The following ART4 variants were observed in gnomAD, a reference collection of about 807,000 sequenced individuals.
The protein encoded by ART4 is ecto-ADP-ribosyltransferase 4.
In ART4, 14 loss-of-function variants were observed where a neutral mutation model predicts 24.2. That is an observed-to-expected ratio of 0.58 (90% CI 0.38 to 0.90). The LOEUF (loss-of-function observed/expected upper bound fraction) is 0.90, where lower values mean the gene tolerates loss of function less well. Among genes scored for constraint, ART4 ranks in the 40% least tolerant of loss-of-function variants. ART4 has a pLI of 0.00. For missense variants in ART4, 356 were observed against 366.6 expected, an observed-to-expected ratio of 0.97 and a Z score of 0.24; for synonymous variants, 145 against 139.9, an observed-to-expected ratio of 1.04 and a Z score of -0.26.
chr12:14,829,323 GATTTT>G lies in ART4; in HGVS notation c.*43_*47del. ...TTCTAGCCAAAAGGCCAATAAAAAA[GATTTT>G]ATTTAAATATTTTTTTTAAATAAAA... On this transcript the variant is annotated 3_prime_UTR_variant, in exon 3 of 3. Coordinates refer to ENST00000228936, the MANE Select transcript of ART4 (RefSeq NM_021071.4). 1 of 1,279,142 alleles carries G rather than the reference GATTTT, an allele frequency of 7.8e-7. No individual in the cohort carries two copies. Among genetic ancestry groups the G allele is most frequent in the Non-Finnish European group, 1.1e-6 (1 of 940,078 alleles). The allele number at this position is 1,279,142 out of a possible 1,614,324, so 79.2% of individuals were successfully genotyped here.
At position 14,826,235 on chromosome 12, in the gene ART4, G is replaced by A. The variant is rs55959654; in HGVS notation, c.*3136C>T. On this transcript the variant is annotated 3_prime_UTR_variant, in exon 3 of 3. Coordinates refer to ENST00000228936, the MANE Select transcript of ART4 (RefSeq NM_021071.4). ...ATAGGGAGAGACTGAGGGGATGTGA[G>A]CTATGTACATTTATCCTTAACCAAA... is the stretch of plus-strand genomic sequence containing the variant. 22,902 of 152,238 alleles carry A rather than the reference G, an allele frequency of 0.15. 2,012 individuals are homozygous for A. Among genetic ancestry groups the A allele is most frequent in the Non-Finnish European group, 0.2 (13,657 of 67,996 alleles). 9.4% of individuals were successfully genotyped at this position (152,238 alleles called of 1,614,324 possible).
chr12:14,841,126 C>A lies in ART4; in HGVS notation c.172G>T (p.Ala58Ser). ...EVAIKIDFDF[A>S]PGSFDDQYQG... Reference sequence around the variant, plus strand: ...TACTGATCATCAAAAGAACCTGGTGCGAAGTCGAAGTCGATTTTAATTGCA... The same window carrying A: ...TACTGATCATCAAAAGAACCTGGTGAGAAGTCGAAGTCGATTTTAATTGCA... The change falls in exon 2 of 3, where the codon GCA becomes TCA. Residue 58 changes from alanine (A) to serine (S), a missense_variant. By Grantham distance (99) the Ala-to-Ser change is moderately conservative. Coordinates refer to ENST00000228936, the MANE Select transcript of ART4 (RefSeq NM_021071.4). The A allele has an allele frequency of 6.4e-7, 1 of 1,568,826 alleles. No individual in the cohort carries two copies. Among genetic ancestry groups the A allele is most frequent in the South Asian group, 1.2e-5 (1 of 84,608 alleles).
intron 2 of ART4, among the ~76,000 whole-genome samples, chr12:14,832,496 A>T (rs1034933056): frequency 2.0e-5 from 3 of 152,030 alleles, no homozygotes; most frequent in South Asian, 2.1e-4. Flanking sequence ...TTTATTTTTC[A>T]TCTTAGTATG....
chr12:14,831,196 ATACT>A (rs1950393898), intron 2 of ART4, among the ~76,000 whole-genome samples: 1 of 151,472 alleles, frequency 6.6e-6, no homozygotes. Context: ...ATCCTCCTTG[ATACT>A]TACTCTTCAT....
chr12:14,829,549 CTTAGAAAA>C (rs918679229), intron 2 of ART4, 87 bp from the exon 3 acceptor site: 55 of 893,024 alleles, frequency 6.2e-5, no homozygotes, highest in African/African-American at 5.7e-4. Flanking sequence ...ACTTACTTAA[CTTAGAAAA>C]TTCCTAATAA....
rs965178525 is a variant in ART4, at chr12:14,829,051, A to C, written c.*320T>G. On this transcript the variant is annotated 3_prime_UTR_variant, in exon 3 of 3. Coordinates refer to ENST00000228936, the MANE Select transcript of ART4 (RefSeq NM_021071.4). ...TATTCCAGCATGAATCTTTGTGTCCATGAAGAAGAAATATACTGATTGGCT... is the reference window on the plus strand; with the variant it reads ...TATTCCAGCATGAATCTTTGTGTCCCTGAAGAAGAAATATACTGATTGGCT... The C allele has an allele frequency of 1.1e-5, 2 of 179,762 alleles. No individual in the cohort carries two copies. The highest frequency in any genetic ancestry group is 1.2e-4 in the Admixed American group (2 of 16,288). The allele number at this position is 179,762 out of a possible 1,614,324, so 11.1% of individuals were successfully genotyped here.
At chr12:14,837,553 GC>G (rs1473115476) in intron 2 of ART4, among the ~76,000 whole-genome samples, 1 of 151,628 alleles carries the variant, frequency 6.6e-6, no homozygotes, top group Non-Finnish European at 1.5e-5. Context: ...TCACTCTATC[GC>G]CCAGGCTGGA....
chr12:14,840,749 A>T lies in ART4; in HGVS notation c.549T>A (p.Tyr183Ter). The change falls in exon 2 of 3, where the codon TAT (tyrosine) becomes TAA (stop). Residue 183 changes from tyrosine to a stop codon, truncating the protein, a stop_gained. Coordinates refer to ENST00000228936, the MANE Select transcript of ART4 (RefSeq NM_021071.4). LOFTEE classifies it high-confidence loss of function. ...DSIMENGTLC[Y>*]EVHYRTKDVH... is the part of the protein sequence containing the mutation. Reference sequence around the variant, plus strand: ...CATCCTTCGTCCTATAATGCACCTCATAGCACAGAGTGCCATTCTCCATGA... The same window carrying T: ...CATCCTTCGTCCTATAATGCACCTCTTAGCACAGAGTGCCATTCTCCATGA... 6.2e-7 allele frequency: 1 copy of T among 1,614,174 alleles called. No homozygotes were observed.
chr12:14,835,948 T>C (rs1200736614), intron 2 of ART4, among the ~76,000 whole-genome samples: 1 of 152,154 alleles, frequency 6.6e-6, no homozygotes, highest in Non-Finnish European at 1.5e-5. Context: ...TATTGTGTCC[T>C]GTCCAAGACT....
At chr12:14,841,380 T>C in intron 1 of ART4, 1 of 470,364 alleles carries the variant, frequency 2.1e-6, no homozygotes, top group Non-Finnish European at 3.7e-6. Flanking sequence ...GAAAAACTCA[T>C]CTCCCCAGAG....
intron 1 of ART4, 126 bp from the exon 2 acceptor site, chr12:14,841,279 C>G: frequency 1.2e-6 from 1 of 811,548 alleles, no homozygotes; most frequent in Non-Finnish European, 1.9e-6. Context: ...GTAAGTTACA[C>G]TGAAAATCAT....
chr12:14,836,128 G>A (rs918517759), intron 2 of ART4, among the ~76,000 whole-genome samples: 2 of 152,024 alleles, frequency 1.3e-5, no homozygotes, highest in African/African-American at 4.8e-5. Flanking sequence ...AGCAAAACTA[G>A]CATGAATTTC....
At chr12:14,837,338 T>G (rs1950437579) in intron 2 of ART4, among the ~76,000 whole-genome samples, 1 of 152,142 alleles carries the variant, frequency 6.6e-6, no homozygotes, top group South Asian at 2.1e-4. Context: ...TTTAATTAAT[T>G]GTGTTAGATG....
rs141907337 is a variant in ART4, at chr12:14,841,010, C to T, written c.288G>A (p.Met96Ile). Residue 96 changes from methionine to isoleucine, a missense_variant, in exon 2 of 3, where the codon ATG becomes ATA. Physicochemically the swap from Met to Ile is conservative, Grantham distance 10 (BLOSUM62 1). Coordinates refer to ENST00000228936, the MANE Select transcript of ART4 (RefSeq NM_021071.4). ...GCCAGGCTAAGTGGGCTTTTTGCCA[C>T]ATCCTAAAATAATTCTTCTGGGCTT... is the stretch of plus-strand genomic sequence containing the variant. Reference protein sequence around the residue: ...DIEAQKNYFRMWQKAHLAWLN... With the variant: ...DIEAQKNYFRIWQKAHLAWLN... 83 of 1,614,078 alleles carry T rather than the reference C, an allele frequency of 5.1e-5. No homozygotes were observed. Among genetic ancestry groups the T allele is most frequent in the Non-Finnish European group, 6.5e-5 (77 of 1,180,048 alleles).
chr12:14,830,412 C>G (rs1340722873), intron 2 of ART4, among the ~76,000 whole-genome samples: 3 of 151,114 alleles, frequency 2.0e-5, no homozygotes, highest in Non-Finnish European at 3.0e-5. Flanking sequence ...GGAAGAGATT[C>G]AACTCTAATT....
In ART4 at chr12:14,843,230, C is replaced by G; in HGVS notation, c.-117G>C. ...CATCCGTAACCGTTTTTTCCCCTGT[C>G]TATGCTGAGCAACTTCTGTTGCCCA... On this transcript the variant is annotated 5_prime_UTR_variant, in exon 1 of 3. Transcript: ENST00000228936. 1 of 1,295,090 alleles carries G rather than the reference C, an allele frequency of 7.7e-7. No individual in the cohort carries two copies. The highest frequency in any genetic ancestry group is 1.1e-6 in the Non-Finnish European group (1 of 947,462). The allele number at this position is 1,295,090 out of a possible 1,614,324, so 80.2% of individuals were successfully genotyped here.
chr12:14,830,636 G>T (rs1234122356), intron 2 of ART4, among the ~76,000 whole-genome samples: 8 of 102,022 alleles, frequency 7.8e-5, no homozygotes, highest in Non-Finnish European at 1.4e-4. Context: ...GTGTATGTGT[G>T]TACTGTATGT....
chr12:14,840,315 A>G (rs1950457879), intron 2 of ART4, 130 bp downstream of exon 2: 2 of 705,156 alleles, frequency 2.8e-6, no homozygotes, highest in Admixed American at 6.4e-5. Context: ...CTAATCTATC[A>G]GTTCCATCAT....
Position 14,840,270 on chromosome 12 carries a change from A to G in ART4, c.853+175T>C. 5.2e-6 allele frequency: 3 copies of G among 578,836 alleles called. No homozygotes were observed. The East Asian group carries it at 8.8e-5, about 17-fold the overall frequency. 35.9% of individuals were successfully genotyped at this position (578,836 alleles called of 1,614,324 possible). ...TTGTCCTGGAGGTAATGGAGTAGGA[A>G]GAAAAGAGAAGTCAATAAATAAAGT... On this transcript the variant is annotated intron_variant, in intron 2 of 2. Transcript: ENST00000228936.
Sources: allele counts gnomAD v4.1 joint callset (sites outside exome capture counted in the v4.1 genomes callset), GRCh38; gene constraint gnomAD v4.1.1; transcripts MANE v1.5; gene names NCBI Gene and HGNC (gene_info 2026-07-23, HGNC 2026-07-21).